LRRTM3: variants seen among roughly 807,000 people sequenced by gnomAD.
LRRTM3 encodes leucine rich repeat transmembrane neuronal 3, also known as leucine-rich repeat transmembrane neuronal protein 3.
A neutral mutation model predicts 44.7 loss-of-function variants in LRRTM3; 24 were observed. The ratio of observed to expected loss-of-function variants is 0.54; its 90% CI spans 0.39 to 0.76. LRRTM3 has a LOEUF of 0.76. Ranked by LOEUF, LRRTM3 falls within the 30% of genes least tolerant of loss-of-function variation. LRRTM3 has a pLI of 0.00. For synonymous variants in LRRTM3, 277 were observed against 278.7 expected (o/e 0.99, Z 0.06); for missense variants, 587 against 702.2 (o/e 0.84, Z 1.85).
intron 2 of LRRTM3, among the ~76,000 whole-genome samples, chr10:67,029,055 T>C (rs1234904464): frequency 1.3e-5 from 2 of 152,170 alleles, no homozygotes; most frequent in Non-Finnish European, 2.9e-5. Flanking sequence ...CAGGAGTATA[T>C]GTGGATGTAA....
intron 2 of LRRTM3, among the ~76,000 whole-genome samples, chr10:67,070,130 A>G (rs756691176): frequency 1.2e-4 from 19 of 152,158 alleles, no homozygotes; most frequent in Non-Finnish European, 2.4e-4. Context: ...CTTAATTTGC[A>G]TTAGTATAAT....
chr10:67,021,150 A>G (rs1852985220), intron 2 of LRRTM3, among the ~76,000 whole-genome samples: 1 of 152,198 alleles, frequency 6.6e-6, no homozygotes. Flanking sequence ...CAGTCAGGCT[A>G]TTGAAAGTAA....
At chr10:67,083,810 A>G (rs554103982) in intron 2 of LRRTM3, among the ~76,000 whole-genome samples, 1 of 152,188 alleles carries the variant, frequency 6.6e-6, no homozygotes, top group Non-Finnish European at 1.5e-5. Flanking sequence ...TTCCCATTAC[A>G]TACTTTTTAA....
intron 2 of LRRTM3, among the ~76,000 whole-genome samples, chr10:67,007,221 T>C (rs1165381892): frequency 6.6e-6 from 1 of 152,218 alleles, no homozygotes; most frequent in Non-Finnish European, 1.5e-5. Context: ...AGTTCCTGTT[T>C]AGCATCAACA....
intron 2 of LRRTM3, among the ~76,000 whole-genome samples, chr10:66,979,059 G>A (rs1401444775): frequency 6.7e-6 from 1 of 150,132 alleles, no homozygotes; most frequent in East Asian, 2.0e-4. Flanking sequence ...CTACCTCCTG[G>A]GCTCAAGAGA....
At chr10:67,048,299 T>C (rs1854875210) in intron 2 of LRRTM3, among the ~76,000 whole-genome samples, 2 of 152,046 alleles carry the variant, frequency 1.3e-5, no homozygotes, top group Non-Finnish European at 2.9e-5. Flanking sequence ...GTTAAACGTA[T>C]TTAAAAGCCA....
chr10:67,054,268 A>G (rs192095400), intron 2 of LRRTM3, among the ~76,000 whole-genome samples: 78 of 152,286 alleles, frequency 5.1e-4, no homozygotes, highest in African/African-American at 1.8e-3. Context: ...AGATATAAAA[A>G]TTTACCCCAG....
At chr10:67,094,636 C>T (rs1208428099) in intron 2 of LRRTM3, among the ~76,000 whole-genome samples, 1 of 151,540 alleles carries the variant, frequency 6.6e-6, no homozygotes, top group Admixed American at 6.6e-5. Flanking sequence ...AATAAACATA[C>T]CTTGTACTAC....
intron 2 of LRRTM3, among the ~76,000 whole-genome samples, chr10:67,022,503 T>C (rs1309391201): frequency 6.6e-6 from 1 of 152,050 alleles, no homozygotes; most frequent in Non-Finnish European, 1.5e-5. Flanking sequence ...TTTTCAGAGA[T>C]GACAAAGGAA....
At chr10:67,086,906 A>G (rs1857344160) in intron 2 of LRRTM3, among the ~76,000 whole-genome samples, 1 of 152,062 alleles carries the variant, frequency 6.6e-6, no homozygotes, top group Admixed American at 6.6e-5. Context: ...TAGTGTTATT[A>G]TAAGACCCTC....
intron 2 of LRRTM3, among the ~76,000 whole-genome samples, chr10:66,953,573 T>C (rs1244780453): frequency 2.0e-5 from 3 of 152,180 alleles, no homozygotes; most frequent in Non-Finnish European, 2.9e-5. Flanking sequence ...TTATGACTCA[T>C]GGGTTTTGTT....
intron 2 of LRRTM3, among the ~76,000 whole-genome samples, chr10:66,953,173 A>G (rs1221957554): frequency 6.6e-6 from 1 of 152,204 alleles, no homozygotes; most frequent in Non-Finnish European, 1.5e-5. Context: ...TGATGGGCTC[A>G]TAACTTAGTT....
In LRRTM3 at chr10:67,045,628, C is replaced by T. The variant is rs142022381; in HGVS notation, c.1537-51959C>T. Among the ~76,000 whole-genome samples the T allele has an allele frequency of 1.4e-3, 215 of 152,294 alleles. 4 individuals carry two copies. Among genetic ancestry groups the T allele is most frequent in the Admixed American group, 9.9e-3 (152 of 15,300 alleles). On this transcript the variant is annotated intron_variant, in intron 2 of 2. Coordinates refer to ENST00000361320, the MANE Select transcript of LRRTM3 (RefSeq NM_178011.5). ...GGCAGCTGCCTTTGCGGCCAGACCC[C>T]GTTTCCCAGGACTAGGGGCACTCCG...
intron 2 of LRRTM3, among the ~76,000 whole-genome samples, chr10:66,969,223 C>T (rs1181971702): frequency 1.3e-5 from 2 of 152,018 alleles, no homozygotes; most frequent in Admixed American, 1.3e-4. Flanking sequence ...AACATTCATA[C>T]ATCTATGCAC....
chr10:66,975,526 C>T (rs1849979440), intron 2 of LRRTM3, among the ~76,000 whole-genome samples: 1 of 152,140 alleles, frequency 6.6e-6, no homozygotes, highest in Non-Finnish European at 1.5e-5. Flanking sequence ...CTGGATATTG[C>T]AAATCAGATC....
rs67598003 is a variant in LRRTM3 at position 66,942,548 on chromosome 10, GTCTCTCTC to G, written c.1536+14118_1536+14125del. On this transcript the variant is annotated intron_variant, in intron 2 of 2. Coordinates refer to ENST00000361320, the MANE Select transcript of LRRTM3 (RefSeq NM_178011.5). ...TCTCTCTTTAAAACATTGCCATAAT[GTCTCTCTC>G]TCTCTCTCTCTCTCTCTCTCTGTGT... Among the ~76,000 whole-genome samples the G allele has an allele frequency of 9.6e-3, 1,415 of 148,076 alleles. 22 individuals carry two copies. Among genetic ancestry groups the G allele is most frequent in the East Asian group, 0.035 (174 of 5,034 alleles).
At chr10:67,070,027 A>G (rs1379057725) in intron 2 of LRRTM3, among the ~76,000 whole-genome samples, 2 of 152,174 alleles carry the variant, frequency 1.3e-5, no homozygotes, top group Non-Finnish European at 2.9e-5. Flanking sequence ...AGACCATGAG[A>G]ACTTCCATTG....
chr10:66,976,950 T>A (rs1400797410), intron 2 of LRRTM3, among the ~76,000 whole-genome samples: 3 of 152,202 alleles, frequency 2.0e-5, no homozygotes, highest in African/African-American at 7.2e-5. Context: ...AAAATTTAAA[T>A]TTCTAGTATG....
At chr10:67,018,150 C>T (rs1852777413) in intron 2 of LRRTM3, among the ~76,000 whole-genome samples, 1 of 152,012 alleles carries the variant, frequency 6.6e-6, no homozygotes, top group Admixed American at 6.6e-5. Flanking sequence ...ACAGTAGGGC[C>T]AAGACTTTGT....
Sources: gnomAD v4.1 joint callset for allele counts (sites outside exome capture counted in the v4.1 genomes callset) on GRCh38, gnomAD v4.1.1 for gene constraint, MANE v1.5 for transcripts, NCBI Gene and HGNC (gene_info 2026-07-23, HGNC 2026-07-21) for gene names.